RPS6KB1: variants seen among roughly 807,000 people sequenced by gnomAD.
RPS6KB1 encodes the protein ribosomal protein S6 kinase B1, also known as ribosomal protein S6 kinase beta-1.
In RPS6KB1, 12 loss-of-function variants were observed where a neutral mutation model predicts 70.2. That is an observed-to-expected ratio of 0.17 (90% CI 0.11 to 0.28). The LOEUF is 0.28. Among genes scored for constraint, RPS6KB1 ranks in the 10% least tolerant of loss-of-function variants. The pLI, the probability that RPS6KB1 is intolerant of heterozygous loss-of-function variation, is 1.00. For synonymous variants in RPS6KB1, 175 were observed against 211.2 expected (o/e 0.83, Z 1.49); for missense variants, 270 against 646.6 (o/e 0.42, Z 6.32).
In RPS6KB1 at chr17:59,934,323, A is replaced by G; in HGVS notation, c.779+63A>G. ...TAGCTAATTTTACCTGTTTTAAGGA[A>G]TAGTATCTGTTTTCTGTACCCTCAT... On this transcript the variant is annotated intron_variant, in intron 8 of 14. Coordinates refer to ENST00000225577, the MANE Select transcript of RPS6KB1 (RefSeq NM_003161.4). This position sits in a 1 kb window ranked among gnomAD's most constrained non-coding sequence, Gnocchi z 4.8. 1 of 1,455,062 alleles carries G rather than the reference A, an allele frequency of 6.9e-7. No individual in the cohort carries two copies. Among genetic ancestry groups the G allele is most frequent in the Non-Finnish European group, 9.7e-7 (1 of 1,035,522 alleles). The allele number at this position is 1,455,062 out of a possible 1,614,324, so 90.1% of individuals were successfully genotyped here.
intron 3 of RPS6KB1, among the ~76,000 whole-genome samples, chr17:59,914,217 A>C (rs1278107271): frequency 6.6e-6 from 1 of 151,974 alleles, no homozygotes; most frequent in Non-Finnish European, 1.5e-5. Flanking sequence ...CAACCTTGAA[A>C]GAAATTTATG....
intron 1 of RPS6KB1, among the ~76,000 whole-genome samples, chr17:59,900,836 G>C (rs2041891994): frequency 6.6e-6 from 1 of 151,924 alleles, no homozygotes; most frequent in Non-Finnish European, 1.5e-5. Context: ...TTACAGAGTT[G>C]TGCAGCCATC....
chr17:59,916,245 C>T (rs894072631), intron 4 of RPS6KB1, among the ~76,000 whole-genome samples: 3 of 152,062 alleles, frequency 2.0e-5, no homozygotes, highest in African/African-American at 2.4e-5. Flanking sequence ...GGATTACAGG[C>T]GCCCACCACC....
intron 3 of RPS6KB1, among the ~76,000 whole-genome samples, chr17:59,914,066 C>T (rs940284102): frequency 5.9e-5 from 9 of 152,044 alleles, no homozygotes; most frequent in African/African-American, 2.2e-4. Flanking sequence ...TTTCATTCTG[C>T]GGTTGGTTGA....
chr17:59,916,807 C>T (rs1397507136), intron 4 of RPS6KB1, among the ~76,000 whole-genome samples: 1 of 152,114 alleles, frequency 6.6e-6, no homozygotes, highest in Non-Finnish European at 1.5e-5. Flanking sequence ...TGACACTATA[C>T]TAGTGGCTCC....
At chr17:59,907,617 T>C (rs1180766085) in intron 1 of RPS6KB1, among the ~76,000 whole-genome samples, 1 of 151,778 alleles carries the variant, frequency 6.6e-6, no homozygotes. Context: ...TGCCACATTG[T>C]AGCCATGACC....
In RPS6KB1 at chr17:59,949,920, T is replaced by G. The variant is rs2145101497; in HGVS notation, c.*3132T>G. On this transcript the variant is annotated 3_prime_UTR_variant, in exon 15 of 15. Coordinates refer to ENST00000225577, the MANE Select transcript of RPS6KB1 (RefSeq NM_003161.4). The stretch of plus-strand genomic sequence containing the variant: ...TTCAGTTAATCATATGGTTCCTAGC[T>G]TACAAGGGCTAGATCTAAGATTATT... The G allele has an allele frequency of 6.6e-6, 1 of 152,644 alleles. No homozygotes were observed. The highest frequency in any genetic ancestry group is 1.5e-5 in the Non-Finnish European group (1 of 67,944). The allele number at this position is 152,644 out of a possible 1,614,324, so 9.5% of individuals were successfully genotyped here. A position where few individuals can be genotyped will look rare whatever the true frequency, so the allele number is the denominator to read the frequency against.
intron 4 of RPS6KB1, among the ~76,000 whole-genome samples, chr17:59,922,239 C>A (rs1425614094): frequency 6.6e-6 from 1 of 152,050 alleles, no homozygotes; most frequent in Non-Finnish European, 1.5e-5. Context: ...CGAGGTTTCA[C>A]CATGTTGGCC....
At chr17:59,911,655 C>T (rs913866786) in intron 2 of RPS6KB1, among the ~76,000 whole-genome samples, 3 of 148,898 alleles carry the variant, frequency 2.0e-5, no homozygotes, top group Admixed American at 1.4e-4. Flanking sequence ...AGTGATTCTC[C>T]TGCCTCAGCC....
At chr17:59,900,203 CACACACACACACACACACACACACACA>C (rs2041833067) in intron 1 of RPS6KB1, among the ~76,000 whole-genome samples, 1 of 150,278 alleles carries the variant, frequency 6.7e-6, no homozygotes, top group African/African-American at 2.4e-5. Flanking sequence ...CACACACACA[CACACACACACACACACACACACACACA>C]CCCCTATGTG....
chr17:59,918,975 G>T (rs1291947), intron 4 of RPS6KB1, among the ~76,000 whole-genome samples: 28,863 of 151,590 alleles, frequency 0.19, 2,939 homozygotes, highest in East Asian at 0.39. Context: ...GGGATAACAG[G>T]CATGTGCCAC....
intron 1 of RPS6KB1, among the ~76,000 whole-genome samples, chr17:59,902,797 T>G (rs2042035407): frequency 6.6e-6 from 1 of 152,134 alleles, no homozygotes; most frequent in Non-Finnish European, 1.5e-5. Context: ...CGGTTGGTTT[T>G]AAACTCCTGG....
In RPS6KB1 at chr17:59,946,984, A is replaced by G; in HGVS notation, c.*196A>G. The G allele has an allele frequency of 7.1e-7, 1 of 1,414,564 alleles. No homozygotes were observed. The highest frequency in any genetic ancestry group is 1.5e-5 in the South Asian group (1 of 65,664). The allele number at this position is 1,414,564 out of a possible 1,614,324, so 87.6% of individuals were successfully genotyped here. A position where few individuals can be genotyped will look rare whatever the true frequency, so the allele number is the denominator to read the frequency against. On this transcript the variant is annotated 3_prime_UTR_variant, in exon 15 of 15. Coordinates refer to ENST00000225577, the MANE Select transcript of RPS6KB1 (RefSeq NM_003161.4). The surrounding 1 kb of genome is among the most constrained non-coding windows in gnomAD (Gnocchi z 4.2). ...TGCAAAAAAAAACTTAAAGCAAAAT[A>G]GTATTGCTGAACTCTTAGGCACATC...
intron 7 of RPS6KB1, 112 bp downstream of exon 7, chr17:59,931,834 C>T: frequency 1.5e-6 from 1 of 677,552 alleles, no homozygotes; most frequent in Non-Finnish European, 2.6e-6. Flanking sequence ...TGTATATTTC[C>T]TCCCTCAGAA....
intron 5 of RPS6KB1, among the ~76,000 whole-genome samples, chr17:59,929,165 C>T (rs1414122919): frequency 6.7e-6 from 1 of 150,352 alleles, no homozygotes; most frequent in African/African-American, 2.4e-5. Flanking sequence ...GAATCTCACT[C>T]TGTTGCCCGG....
intron 1 of RPS6KB1, among the ~76,000 whole-genome samples, chr17:59,908,870 G>A (rs1264081257): frequency 2.1e-5 from 3 of 140,494 alleles, no homozygotes; most frequent in Admixed American, 1.5e-4. Flanking sequence ...CGCCCGCCTC[G>A]GCCTCCCAGA....
At chr17:59,914,852 G>C (rs961184393) in intron 4 of RPS6KB1, 149 bp downstream of exon 4, 1 of 647,326 alleles carries the variant, frequency 1.5e-6, no homozygotes, top group Non-Finnish European at 2.7e-6. Flanking sequence ...TCTCAAGCCA[G>C]GTACAGTGGT....
intron 1 of RPS6KB1, among the ~76,000 whole-genome samples, chr17:59,901,819 C>A (rs916749856): frequency 6.6e-6 from 1 of 151,256 alleles, no homozygotes; most frequent in African/African-American, 2.4e-5. Flanking sequence ...TCACTTGAGA[C>A]TAGCCTGGGC....
At chr17:59,941,052 A>AT in intron 13 of RPS6KB1, 109 bp downstream of exon 13, 2 of 526,612 alleles carry the variant, frequency 3.8e-6, no homozygotes, top group South Asian at 5.4e-5. Context: ...AACCTGGCCC[A>AT]CTTTTTTTTT....
Sources: allele counts gnomAD v4.1 joint callset (sites outside exome capture counted in the v4.1 genomes callset), GRCh38; gene constraint gnomAD v4.1.1; non-coding constraint Gnocchi (gnomAD v3.1); transcripts MANE v1.5; gene names NCBI Gene and HGNC (gene_info 2026-07-23, HGNC 2026-07-21).